The following BCL11A variants were observed in gnomAD, a reference collection of about 807,000 sequenced individuals.
BCL11A encodes B cell CLL/lymphoma 11A.
Under a neutral mutation model 55.9 loss-of-function variants are expected in BCL11A, and 2 were observed. That is an observed-to-expected ratio of 0.04 (90% CI 0.01 to 0.11). The LOEUF (loss-of-function observed/expected upper bound fraction) is 0.11, where lower values mean the gene tolerates loss of function less well. Ranked by LOEUF, BCL11A falls within the 10% of genes least tolerant of loss-of-function variation. BCL11A has a pLI of 1.00. For missense variants in BCL11A, 817 were observed against 1,137.1 expected (o/e 0.72, Z 4.05); for synonymous variants, 465 against 473.4 (o/e 0.98, Z 0.23).
intron 2 of BCL11A, among the ~76,000 whole-genome samples, chr2:60,524,320 A>G (rs1316197075): frequency 2.0e-5 from 3 of 152,116 alleles, no homozygotes; most frequent in Non-Finnish European, 4.4e-5. Flanking sequence ...TAATTTTGTC[A>G]CCTATCTCTG....
intron 3 of BCL11A, among the ~76,000 whole-genome samples, chr2:60,467,903 GTAA>G (rs1203682876): frequency 4.2e-4 from 25 of 60,026 alleles, no homozygotes; most frequent in East Asian, 3.0e-3. Context: ...GATGGTGGTG[GTAA>G]TGGTGGTGGT....
chr2:60,538,820 T>C lies in BCL11A; in HGVS notation c.385+7151A>G, dbSNP rs757499943. On this transcript the variant is annotated intron_variant, in intron 2 of 3. Coordinates refer to ENST00000642384, the MANE Select transcript of BCL11A (RefSeq NM_022893.4). The stretch of plus-strand genomic sequence containing the variant: ...GAGGGGTGTTGCAAATCACCACAAA[T>C]ATTTACACTGTACTCCCTTTGTTCA... 2.5e-4 allele frequency among the ~76,000 whole-genome samples: 38 copies of C among 151,568 alleles called. 2 individuals carry two copies. Among genetic ancestry groups the C allele is most frequent in the Middle Eastern group, 3.4e-3 (1 of 294 alleles).
At chr2:60,453,762 G>A (rs1675820898), downstream of BCL11A, among the ~76,000 whole-genome samples, 1 of 152,204 alleles carries the variant, frequency 6.6e-6, no homozygotes. Flanking sequence ...CCCCCCTATG[G>A]GTTTAGGGGC....
At chr2:60,514,048 G>A (rs1668613181) in intron 2 of BCL11A, among the ~76,000 whole-genome samples, 1 of 152,240 alleles carries the variant, frequency 6.6e-6, no homozygotes, top group Non-Finnish European at 1.5e-5. Flanking sequence ...CCTGGCATGG[G>A]CTGAGGCAGC....
At chr2:60,497,947 C>T (rs756176187) in intron 2 of BCL11A, among the ~76,000 whole-genome samples, 11 of 151,958 alleles carry the variant, frequency 7.2e-5, no homozygotes, top group South Asian at 2.1e-4. Context: ...CTTCATTGGC[C>T]GAGGATGACC....
chr2:60,468,050 C>CTTTGTGGTGATGGTGATGG (rs373325713), intron 3 of BCL11A, among the ~76,000 whole-genome samples: 38 of 9,188 alleles, frequency 4.1e-3, no homozygotes, highest in Non-Finnish European at 5.2e-3. Context: ...GGTGATGGTA[C>CTTTGTGGTGATGGTGATGG]TGGTGGTGAT....
At chr2:60,484,128 G>A (rs564635873) in intron 2 of BCL11A, 1 of 152,318 alleles carries the variant, frequency 6.6e-6, no homozygotes, top group Non-Finnish European at 1.5e-5. Flanking sequence ...TGCTTCGTCT[G>A]TGACAGTTGT....
intron 2 of BCL11A, among the ~76,000 whole-genome samples, chr2:60,473,503 G>A (rs916091967): frequency 6.6e-5 from 10 of 152,080 alleles, no homozygotes; most frequent in Non-Finnish European, 1.3e-4. Flanking sequence ...AATGCATCCT[G>A]AACGTTTGTA....
intron 2 of BCL11A, chr2:60,496,595 AG>A (rs1299338620): frequency 6.6e-6 from 1 of 152,278 alleles, no homozygotes; most frequent in African/African-American, 2.4e-5. Flanking sequence ...CCCTTCTGGA[AG>A]AGCCTGGTGA....
chr2:60,461,626 T>G lies in BCL11A; in HGVS notation c.1286A>C (p.His429Pro). ...CTTGACCGTCATGGGGGACGATTTGTGCATGTGCGTCTTCATGTGGCGCTT... is the reference window on the plus strand; with the variant it reads ...CTTGACCGTCATGGGGGACGATTTGGGCATGTGCGTCTTCATGTGGCGCTT... ...KLKRHMKTHM[H>P]KSSPMTVKSD... Residue 429 changes from histidine to proline, a missense_variant, in exon 4 of 4, where the codon CAC (histidine) becomes CCC (proline). By Grantham distance (77) the His-to-Pro change is moderately conservative. Around this residue, in one of 4 missense-constraint regions of BCL11A, gnomAD observed 45 missense variants for 109.0 expected, o/e 0.41. Transcript: ENST00000642384. 6.2e-7 allele frequency: 1 copy of G among 1,613,822 alleles called. No individual in the cohort carries two copies. Among genetic ancestry groups the G allele is most frequent in the Non-Finnish European group, 8.5e-7 (1 of 1,180,040 alleles).
rs1321403812 is a variant in BCL11A, at chr2:60,546,899, A to G, written c.56-599T>C. Among the ~76,000 whole-genome samples, 3 of 152,216 alleles carry G rather than the reference A, an allele frequency of 2.0e-5. No individual in the cohort carries two copies. The highest frequency in any genetic ancestry group is 4.4e-5 in the Non-Finnish European group (3 of 68,032). The stretch of plus-strand genomic sequence containing the variant: ...AATGTGCCACATTTACACTGCTGTA[A>G]TAAGAAAACGACTGCATGCACCTAT... On this transcript the variant is annotated intron_variant, in intron 1 of 3. Transcript: ENST00000642384. The surrounding 1 kb of genome is among the most constrained non-coding windows in gnomAD (Gnocchi z 4.1).
chr2:60,539,731 A>G (rs1237048342), intron 2 of BCL11A, among the ~76,000 whole-genome samples: 2 of 152,180 alleles, frequency 1.3e-5, no homozygotes, highest in Non-Finnish European at 2.9e-5. Context: ...AAGAATTCTT[A>G]TTTGTCAGGT....
intron 2 of BCL11A, among the ~76,000 whole-genome samples, chr2:60,512,631 T>G (rs1355017465): frequency 1.3e-5 from 2 of 152,172 alleles, no homozygotes; most frequent in East Asian, 3.8e-4. Context: ...TCTAAATTAT[T>G]TGGTCTAAAG....
chr2:60,539,106 G>C (rs1465584484), intron 2 of BCL11A, among the ~76,000 whole-genome samples: 1 of 152,172 alleles, frequency 6.6e-6, no homozygotes, highest in Non-Finnish European at 1.5e-5. Flanking sequence ...TTTTTCCATT[G>C]CTGTCTTTCA....
Position 60,458,556 on chromosome 2 carries a change from G to A in BCL11A, c.*1848C>T. 1 of 1,037,744 alleles carries A rather than the reference G, an allele frequency of 9.6e-7. No individual in the cohort carries two copies. The allele number at this position is 1,037,744 out of a possible 1,614,324, so 64.3% of individuals were successfully genotyped here. ...TTCCATTCACAGCGCTTGCAATGTT[G>A]CGTCCAAGTAAGTAAGCTCAATAGT... On this transcript the variant is annotated 3_prime_UTR_variant, in exon 4 of 4. Transcript: ENST00000642384.
chr2:60,456,413 G>A (rs1675935335), downstream of BCL11A, among the ~76,000 whole-genome samples: 1 of 152,174 alleles, frequency 6.6e-6, no homozygotes, highest in Non-Finnish European at 1.5e-5. Context: ...GATAATTGAA[G>A]GGTATTCCCG....
chr2:60,549,039 G>A (rs755847832), intron 1 of BCL11A, among the ~76,000 whole-genome samples: 53 of 152,042 alleles, frequency 3.5e-4, no homozygotes, highest in Non-Finnish European at 6.3e-4. Context: ...TCTAAGCTCC[G>A]GCCTAAACTC....
chr2:60,465,629 C>T (rs901934196), intron 3 of BCL11A, among the ~76,000 whole-genome samples: 2 of 152,184 alleles, frequency 1.3e-5, no homozygotes, highest in African/African-American at 4.8e-5. Flanking sequence ...AGGCCTAGCT[C>T]TATTATCCAC....
In BCL11A at chr2:60,546,398, T is replaced by C. The variant is rs1483870936; in HGVS notation, c.56-98A>G. 9.8e-7 allele frequency: 1 copy of C among 1,022,894 alleles called. No individual in the cohort carries two copies. The highest frequency in any genetic ancestry group is 2.5e-5 in the Admixed American group (1 of 39,908). The allele number at this position is 1,022,894 out of a possible 1,614,324, so 63.4% of individuals were successfully genotyped here. A position where few individuals can be genotyped will look rare whatever the true frequency, so the allele number is the denominator to read the frequency against. On this transcript the variant is annotated intron_variant, in intron 1 of 3. Coordinates refer to ENST00000642384, the MANE Select transcript of BCL11A (RefSeq NM_022893.4). The surrounding 1 kb of genome is among the most constrained non-coding windows in gnomAD (Gnocchi z 4.1). The stretch of plus-strand genomic sequence containing the variant: ...CCCCATGCCATCCCACCACATCATG[T>C]AAAGTGTTTCTAGGCTTCTCTATAT...
Sources: gnomAD v4.1 joint callset for allele counts (sites outside exome capture counted in the v4.1 genomes callset) on GRCh38, gnomAD v4.1.1 for gene constraint, gnomAD v4.1.1 regional missense constraint, Gnocchi (gnomAD v3.1) non-coding constraint, MANE v1.5 for transcripts, NCBI Gene and HGNC (gene_info 2026-07-23, HGNC 2026-07-21) for gene names.